MGAT4C: variants seen among roughly 807,000 people sequenced by gnomAD.
The protein encoded by MGAT4C is MGAT4 family member C.
Under a neutral mutation model 40.1 loss-of-function variants are expected in MGAT4C, and 19 were observed. The observed-to-expected ratio is 0.47, with a 90% CI of 0.33 to 0.70. The LOEUF (loss-of-function observed/expected upper bound fraction) is 0.70, where lower values mean the gene tolerates loss of function less well. Ranked by LOEUF, MGAT4C falls within the 30% of genes least tolerant of loss-of-function variation. The probability of loss-of-function intolerance (pLI) is 0.02; values close to 1 mark genes in which losing one functional copy is unlikely to be tolerated. For missense variants in MGAT4C, 491 were observed against 563.2 expected, an observed-to-expected ratio of 0.87 and a Z score of 1.30; for synonymous variants, 181 against 187.1, an observed-to-expected ratio of 0.97 and a Z score of 0.27.
In MGAT4C at chr12:86,102,739, C is replaced by G. The variant is rs555623865; in HGVS notation, c.-56-53016G>C. Among the ~76,000 whole-genome samples the G allele has an allele frequency of 3.9e-5, 6 of 152,216 alleles. No homozygotes were observed. The South Asian group carries it at 6.2e-4, about 16-fold the overall frequency. ...TTATTCTTAGTAGTCTTACCCAACACTAATCAATCTTTACAAAACAGTATT... is the reference window on the plus strand; with the variant it reads ...TTATTCTTAGTAGTCTTACCCAACAGTAATCAATCTTTACAAAACAGTATT... On this transcript the variant is annotated intron_variant, in intron 1 of 4. Transcript: ENST00000611864.
chr12:86,479,018 TTGTC>T (rs1347058176), intron 2 of MGAT4C, among the ~76,000 whole-genome samples: 4 of 152,136 alleles, frequency 2.6e-5, no homozygotes, highest in African/African-American at 9.6e-5. Context: ...TTACACCACA[TTGTC>T]TGAATTAATT....
intron 2 of MGAT4C, among the ~76,000 whole-genome samples, chr12:86,611,452 T>C (rs897307787): frequency 2.4e-5 from 3 of 123,372 alleles, no homozygotes; most frequent in African/African-American, 6.1e-5. Flanking sequence ...GATAGATAGA[T>C]AGATGATAGA....
intron 1 of MGAT4C, among the ~76,000 whole-genome samples, chr12:86,160,753 T>C (rs1885504147): frequency 6.6e-6 from 1 of 152,100 alleles, no homozygotes; most frequent in Non-Finnish European, 1.5e-5. Flanking sequence ...ATCTGGGTGC[T>C]CCAATGTTGG....
At chr12:86,191,417 T>C (rs2135902257) in intron 1 of MGAT4C, among the ~76,000 whole-genome samples, 1 of 151,886 alleles carries the variant, frequency 6.6e-6, no homozygotes, top group African/African-American at 2.4e-5. Context: ...TATCTCCTAA[T>C]CAAATACAAG....
intron 3 of MGAT4C, among the ~76,000 whole-genome samples, chr12:86,343,553 G>A (rs75489795): frequency 0.018 from 2,748 of 151,980 alleles, 77 homozygotes; most frequent in African/African-American, 0.062. Context: ...TCTAAACAAG[G>A]GAAGCTCAGT....
chr12:86,710,797 A>C (rs1385602473), intron 2 of MGAT4C, among the ~76,000 whole-genome samples: 4 of 152,220 alleles, frequency 2.6e-5, no homozygotes, highest in Non-Finnish European at 5.9e-5. Flanking sequence ...CTGCCCATCA[A>C]CGAACGAGTG....
At position 86,719,738 on chromosome 12, in the gene MGAT4C, T is replaced by G. The variant is rs181160905; in HGVS notation, c.-229+7471A>C. Among the ~76,000 whole-genome samples, 15 of 152,324 alleles carry G rather than the reference T, an allele frequency of 9.8e-5. No homozygotes were observed. In the East Asian group the frequency reaches 2.5e-3, roughly 25 times the overall value. ...ATCCAACTTCCTTTTAAATTTATAC[T>G]GTCCCTGTTCTTGCATTCCCACCTG... On this transcript the variant is annotated intron_variant, in intron 2 of 7. Transcript: ENST00000548651.
intron 2 of MGAT4C, among the ~76,000 whole-genome samples, chr12:86,037,492 T>C (rs1000771447): frequency 6.7e-6 from 1 of 150,298 alleles, no homozygotes; most frequent in African/African-American, 2.4e-5. Flanking sequence ...ATGTTGTGTC[T>C]TTGTTCTCAC....
rs192071450 is a variant in MGAT4C, at chr12:86,175,210, T to C, written c.-57+81029A>G. Among the ~76,000 whole-genome samples, 169 of 152,294 alleles carry C rather than the reference T, an allele frequency of 1.1e-3. 2 individuals carry two copies. The highest frequency in any genetic ancestry group is 0.01 in the Admixed American group (153 of 15,294). On this transcript the variant is annotated intron_variant, in intron 1 of 4. Coordinates refer to ENST00000611864, the MANE Select transcript of MGAT4C (RefSeq NM_001351288.2). ...TTTGAAGTCTTTGTAAAAAAGAATA[T>C]GTAAATTGATGATATATGCAAATAG...
At chr12:86,779,024 A>C (rs1356973517) in intron 1 of MGAT4C, among the ~76,000 whole-genome samples, 1 of 148,318 alleles carries the variant, frequency 6.7e-6, no homozygotes, top group Non-Finnish European at 1.5e-5. Flanking sequence ...AAAAAAAAAA[A>C]CAACTGTTAT....
chr12:86,615,240 T>G (rs1438380283), intron 2 of MGAT4C, among the ~76,000 whole-genome samples: 2 of 151,952 alleles, frequency 1.3e-5, no homozygotes, highest in Admixed American at 6.6e-5. Flanking sequence ...CTCAAAAAAA[T>G]GACTGGGATT....
At chr12:86,723,555 G>A (rs1354979816) in intron 2 of MGAT4C, among the ~76,000 whole-genome samples, 1 of 152,076 alleles carries the variant, frequency 6.6e-6, no homozygotes, top group African/African-American at 2.4e-5. Context: ...GAGTAAGTCT[G>A]CATATCTGAA....
intron 3 of MGAT4C, among the ~76,000 whole-genome samples, chr12:86,383,301 C>T (rs1160762718): frequency 6.6e-6 from 1 of 151,810 alleles, no homozygotes; most frequent in African/African-American, 2.4e-5. Flanking sequence ...CCTGTAATCC[C>T]AGCACTTTGG....
intron 1 of MGAT4C, among the ~76,000 whole-genome samples, chr12:86,060,775 T>G (rs1036312571): frequency 6.6e-6 from 1 of 152,154 alleles, no homozygotes; most frequent in Non-Finnish European, 1.5e-5. Flanking sequence ...CAGGAATTAG[T>G]TGTAAGGAGT....
chr12:86,631,556 CAT>C (rs1422331392), intron 2 of MGAT4C, among the ~76,000 whole-genome samples: 4 of 151,880 alleles, frequency 2.6e-5, no homozygotes, highest in Non-Finnish European at 4.4e-5. Flanking sequence ...CCAAAACAGA[CAT>C]ATAGACCAAT....
rs1228762250 is a variant in MGAT4C, at chr12:86,820,658, TAAA to T, written c.-262+18005_-262+18007del. Reference sequence around the variant, plus strand: ...TTTAACTTTTTAAAGAATTTAATAATAAAGTGATACATAGATTTTTCAAAGGTT... The same window carrying T: ...TTTAACTTTTTAAAGAATTTAATAATGTGATACATAGATTTTTCAAAGGTT... On this transcript the variant is annotated intron_variant, in intron 1 of 7. Coordinates refer to the MGAT4C transcript ENST00000548651. Among the ~76,000 whole-genome samples the T allele has an allele frequency of 2.7e-5, 4 of 150,810 alleles. No homozygotes were observed. The East Asian group carries it at 5.8e-4, about 22-fold the overall frequency.
Position 86,537,912 on chromosome 12 carries a change from C to A in MGAT4C, c.-228-102647G>T, listed in dbSNP as rs541015383. Among the ~76,000 whole-genome samples, 118 of 152,190 alleles carry A rather than the reference C, an allele frequency of 7.8e-4. 2 individuals are homozygous for A. The South Asian group carries it at 0.024, about 31-fold the overall frequency. On this transcript the variant is annotated intron_variant, in intron 2 of 7. Coordinates refer to the MGAT4C transcript ENST00000548651. The stretch of plus-strand genomic sequence containing the variant: ...GACCAGGCTGGCCAACATGGCAAAA[C>A]CCCGTCTCTACTAAAAATACAAAAA...
rs993953497 is a variant in MGAT4C, at chr12:85,969,451, T to G, written c.*9838A>C. 3.3e-5 allele frequency: 5 copies of G among 151,728 alleles called. No individual in the cohort carries two copies. Among genetic ancestry groups the G allele is most frequent in the African/African-American group, 7.2e-5 (3 of 41,434 alleles). 9.4% of individuals were successfully genotyped at this position (151,728 alleles called of 1,614,324 possible). On this transcript the variant is annotated 3_prime_UTR_variant, in exon 5 of 5. Coordinates refer to ENST00000611864, the MANE Select transcript of MGAT4C (RefSeq NM_001351288.2). Reference sequence around the variant, plus strand: ...ATGATTAATACAAAGTTATAATTTTTGGAGTCTTTTAGTGTACCCAGAGCC... The same window carrying G: ...ATGATTAATACAAAGTTATAATTTTGGGAGTCTTTTAGTGTACCCAGAGCC...
At chr12:86,118,808 T>C (rs899821843) in intron 1 of MGAT4C, among the ~76,000 whole-genome samples, 8 of 152,070 alleles carry the variant, frequency 5.3e-5, no homozygotes, top group African/African-American at 1.7e-4. Context: ...GCTTTTATAC[T>C]GATAAAATTA....
Sources: gnomAD v4.1 joint callset for allele counts (sites outside exome capture counted in the v4.1 genomes callset) on GRCh38, gnomAD v4.1.1 for gene constraint, MANE v1.5 for transcripts, NCBI Gene and HGNC (gene_info 2026-07-23, HGNC 2026-07-21) for gene names.